SMG9: variants seen among roughly 807,000 people sequenced by gnomAD.
SMG9 encodes SMG9 nonsense mediated mRNA decay factor, also known as nonsense-mediated mRNA decay factor SMG9.
SMG9 carries 55 observed loss-of-function variants against 64.0 expected under a neutral mutation model. That is an observed-to-expected ratio of 0.86 (90% CI 0.69 to 1.08). SMG9 has a LOEUF of 1.08. Ranked by LOEUF, SMG9 falls within the 50% of genes least tolerant of loss-of-function variation. The probability of loss-of-function intolerance (pLI) is 0.00; values close to 1 mark genes in which losing one functional copy is unlikely to be tolerated. For missense variants in SMG9, 554 were observed against 681.3 expected (o/e 0.81, Z 2.08); for synonymous variants, 244 against 254.8 (o/e 0.96, Z 0.41).
intron 1 of SMG9, among the ~76,000 whole-genome samples, chr19:43,753,678 A>C (rs6509113): frequency 0.33 from 49,586 of 151,718 alleles, 9,454 homozygotes; most frequent in African/African-American, 0.54. Flanking sequence ...CCAGGCTGGT[A>C]TCGAACTCCT....
intron 2 of SMG9, 97 bp from the exon 3 acceptor site, chr19:43,748,149 T>C: frequency 7.2e-7 from 1 of 1,383,428 alleles, no homozygotes; most frequent in Non-Finnish European, 9.8e-7. Flanking sequence ...ATATATTAAC[T>C]ACCTTGATCC....
rs779884859 is a variant in SMG9, at chr19:43,750,669, A to T, written c.73T>A (p.Ser25Thr). 1 of 1,614,044 alleles carries T rather than the reference A, an allele frequency of 6.2e-7. No individual in the cohort carries two copies. The highest frequency in any genetic ancestry group is 8.5e-7 in the Non-Finnish European group (1 of 1,180,022). Residue 25 changes from serine (S) to threonine (T), a missense_variant, in exon 2 of 14, where the codon TCT becomes ACT. Ser to Thr is a moderately conservative substitution (Grantham distance 58, BLOSUM62 1). Coordinates refer to ENST00000270066, the MANE Select transcript of SMG9 (RefSeq NM_019108.4). ...ERRRRWKEPG[S>T]GGPQNLSGPG... Reference sequence around the variant, plus strand: ...CCAGAGAGATTCTGGGGGCCACCAGAGCCAGGCTCCTTCCACCGTCGCCGC... The same window carrying T: ...CCAGAGAGATTCTGGGGGCCACCAGTGCCAGGCTCCTTCCACCGTCGCCGC...
rs574779384 is a variant in SMG9, at chr19:43,728,656, C to G, written c.*2940G>C. On this transcript the variant is annotated 3_prime_UTR_variant, in exon 14 of 14. Coordinates refer to ENST00000270066, the MANE Select transcript of SMG9 (RefSeq NM_019108.4). The stretch of plus-strand genomic sequence containing the variant: ...AGCTTTAGCAACTTGTCCAATGCCA[C>G]ACAGGTGGTAGATGGCAAGGCTGGG... 6.6e-6 allele frequency: 1 copy of G among 152,384 alleles called. No individual in the cohort carries two copies. The highest frequency in any genetic ancestry group is 2.4e-5 in the African/African-American group (1 of 41,588). 9.4% of individuals were successfully genotyped at this position (152,384 alleles called of 1,614,324 possible).
chr19:43,733,030 A>G, intron 12 of SMG9, 28 bp from the exon 13 acceptor site: 2 of 1,582,050 alleles, frequency 1.3e-6, no homozygotes, highest in Non-Finnish European at 1.7e-6. Context: ...GGAGGGTAAG[A>G]GGGATAGACT....
intron 13 of SMG9, 151 bp downstream of exon 13, chr19:43,732,707 A>G (rs1968521773): frequency 1.1e-6 from 1 of 885,622 alleles, no homozygotes; most frequent in Non-Finnish European, 1.7e-6. Context: ...AGATGCTTAC[A>G]AGACAGTAGC....
At chr19:43,744,944 G>T in intron 5 of SMG9, 60 bp from the exon 6 acceptor site, 1 of 1,345,780 alleles carries the variant, frequency 7.4e-7, no homozygotes. Context: ...CTGGAATGAG[G>T]GGGGGACTCC....
At chr19:43,746,535 G>C (rs1969013203) in intron 5 of SMG9, among the ~76,000 whole-genome samples, 1 of 152,154 alleles carries the variant, frequency 6.6e-6, no homozygotes, top group Non-Finnish European at 1.5e-5. Context: ...AGTGGACACA[G>C]AAGTGGCAGG....
At chr19:43,741,042 C>T (rs1159319519) in intron 6 of SMG9, among the ~76,000 whole-genome samples, 1 of 152,218 alleles carries the variant, frequency 6.6e-6, no homozygotes, top group Non-Finnish European at 1.5e-5. Context: ...TTCCACTTTA[C>T]AAACACTATA....
intron 6 of SMG9, among the ~76,000 whole-genome samples, chr19:43,743,082 A>AG (rs1051375294): frequency 2.6e-5 from 4 of 151,928 alleles, no homozygotes; most frequent in Non-Finnish European, 4.4e-5. Context: ...CAAAAAAAAA[A>AG]AGAGAGAGAG....
chr19:43,752,733 A>G (rs1417440984), intron 1 of SMG9, among the ~76,000 whole-genome samples: 3 of 151,958 alleles, frequency 2.0e-5, no homozygotes, highest in Middle Eastern at 6.3e-3. Context: ...TCCTGTCTCT[A>G]TATAACATTT....
chr19:43,733,103 C>T (rs1384629125), intron 12 of SMG9, 101 bp from the exon 13 acceptor site: 2 of 1,404,340 alleles, frequency 1.4e-6, no homozygotes, highest in Admixed American at 4.9e-5. Context: ...GAGTTCAGCC[C>T]CGGCTGAGCT....
In SMG9 at chr19:43,754,855, G is replaced by A. The variant is rs1453406567; in HGVS notation, c.-208C>T. Reference sequence around the variant, plus strand: ...GGTTGCAGCCCCTAAGGAAAGCTGGGCCGAAGGAAGAAGAGGAGGAGGATG... The same window carrying A: ...GGTTGCAGCCCCTAAGGAAAGCTGGACCGAAGGAAGAAGAGGAGGAGGATG... On this transcript the variant is annotated 5_prime_UTR_variant, in exon 1 of 14. Transcript: ENST00000270066. 6.6e-6 allele frequency: 1 copy of A among 152,382 alleles called. No homozygotes were observed. The highest frequency in any genetic ancestry group is 1.5e-5 in the Non-Finnish European group (1 of 68,150). The allele number at this position is 152,382 out of a possible 1,614,324, so 9.4% of individuals were successfully genotyped here.
chr19:43,729,902 A>ACAGT lies in SMG9; in HGVS notation c.*1690_*1693dup, dbSNP rs1968420322. On this transcript the variant is annotated 3_prime_UTR_variant, in exon 14 of 14. Coordinates refer to ENST00000270066, the MANE Select transcript of SMG9 (RefSeq NM_019108.4). ...AGAGAGGGGAGGCTCCTTGCCTACT[A>ACAGT]CAGTCGGTCAGGAAGTGGCTGTGCC... 2 of 152,368 alleles carry ACAGT rather than the reference A, an allele frequency of 1.3e-5. No individual in the cohort carries two copies. The highest frequency in any genetic ancestry group is 4.8e-5 in the African/African-American group (2 of 41,458). 9.4% of individuals were successfully genotyped at this position (152,368 alleles called of 1,614,324 possible). A position where few individuals can be genotyped will look rare whatever the true frequency, so the allele number is the denominator to read the frequency against.
In SMG9 at chr19:43,747,940, C is replaced by CCCTAACGGCTCCCCCTCCTCCCTCCTT. The variant is rs759890619; in HGVS notation, c.225+11_225+37dup. 7 of 1,614,192 alleles carry CCCTAACGGCTCCCCCTCCTCCCTCCTT rather than the reference C, an allele frequency of 4.3e-6. No homozygotes were observed. In the South Asian group the frequency reaches 6.6e-5, roughly 15 times the overall value. ...ATCCCATCAATGGGGGCAATCCCTT[C>CCCTAACGGCTCCCCCTCCTCCCTCCTT]CCTAACGGCTCCCCCTCCTCCCTCC... On this transcript the variant is annotated intron_variant, in intron 3 of 13. Coordinates refer to ENST00000270066, the MANE Select transcript of SMG9 (RefSeq NM_019108.4).
At position 43,729,766 on chromosome 19, in the gene SMG9, T is replaced by C. The variant is rs1237795517; in HGVS notation, c.*1830A>G. On this transcript the variant is annotated 3_prime_UTR_variant, in exon 14 of 14. Transcript: ENST00000270066. Reference sequence around the variant, plus strand: ...GGAGAGGATGGTCAGGAGGGTTCTGTAGAGATCACGACAGTGGGGCAAAGG... The same window carrying C: ...GGAGAGGATGGTCAGGAGGGTTCTGCAGAGATCACGACAGTGGGGCAAAGG... The C allele has an allele frequency of 1.3e-5, 2 of 152,318 alleles. No homozygotes were observed. The highest frequency in any genetic ancestry group is 2.4e-5 in the African/African-American group (1 of 41,402). The allele number at this position is 152,318 out of a possible 1,614,324, so 9.4% of individuals were successfully genotyped here. A position where few individuals can be genotyped will look rare whatever the true frequency, so the allele number is the denominator to read the frequency against.
chr19:43,748,101 C>T (rs771210676), intron 2 of SMG9, 49 bp from the exon 3 acceptor site: 19 of 1,557,550 alleles, frequency 1.2e-5, no homozygotes, highest in Non-Finnish European at 1.7e-5. Flanking sequence ...CTGGACATTC[C>T]AGATCTTTAT....
At chr19:43,738,843 G>C (rs183033108) in intron 7 of SMG9, among the ~76,000 whole-genome samples, 192 of 152,334 alleles carry the variant, frequency 1.3e-3, no homozygotes, top group African/African-American at 4.3e-3. Context: ...CCTCTTCACA[G>C]GTCTCTGACC....
intron 1 of SMG9, 37 bp downstream of exon 1, chr19:43,754,617 G>A (rs1327127898): frequency 2.0e-5 from 3 of 151,964 alleles, no homozygotes; most frequent in African/African-American, 4.8e-5. Context: ...GCCCGCCGCC[G>A]GTGCGCTAGC....
intron 9 of SMG9, among the ~76,000 whole-genome samples, chr19:43,736,235 C>T (rs1356659153): frequency 6.6e-6 from 1 of 152,218 alleles, no homozygotes; most frequent in Non-Finnish European, 1.5e-5. Context: ...ACTGAATCTA[C>T]ACAACATAAT....
Sources: gnomAD v4.1 joint callset for allele counts (sites outside exome capture counted in the v4.1 genomes callset) on GRCh38, gnomAD v4.1.1 for gene constraint, MANE v1.5 for transcripts, NCBI Gene and HGNC (gene_info 2026-07-23, HGNC 2026-07-21) for gene names.